Variants in PIGG observed in about 807,000 individuals in gnomAD.
PIGG encodes GPI ethanolamine phosphate transferase 2, catalytic subunit.
In PIGG, 70 loss-of-function variants were observed where a neutral mutation model predicts 83.2. The ratio of observed to expected loss-of-function variants is 0.84; its 90% CI spans 0.69 to 1.03. PIGG has a LOEUF of 1.03. PIGG is among the 50% of genes least tolerant of loss of function. PIGG has a pLI of 0.00. For synonymous variants in PIGG, 532 were observed against 519.5 expected (o/e 1.02, Z -0.33); for missense variants, 1,257 against 1,233.6 (o/e 1.02, Z -0.28).
At chr4:507,064 A>G (rs1553879873) in intron 3 of PIGG, among the ~76,000 whole-genome samples, 2 of 152,234 alleles carry the variant, frequency 1.3e-5, no homozygotes, top group Non-Finnish European at 2.9e-5. Flanking sequence ...ATAGCCCAGA[A>G]ACATAAAAAC....
intron 5 of PIGG, among the ~76,000 whole-genome samples, chr4:509,348 A>G (rs544124801): frequency 2.2e-4 from 34 of 152,350 alleles, no homozygotes; most frequent in Admixed American, 1.8e-3. Flanking sequence ...AGTGTCAACA[A>G]GAGTCATGGG....
chr4:507,342 C>G, intron 3 of PIGG, 63 bp from the exon 4 acceptor site: 1 of 1,331,290 alleles, frequency 7.5e-7, no homozygotes, highest in Non-Finnish European at 1.0e-6. Context: ...TTGCGTTTTC[C>G]CCGGGGAGTG....
rs1351482267 is a variant in PIGG, at chr4:515,917, A to G, written c.902-56A>G. 2 of 1,346,172 alleles carry G rather than the reference A, an allele frequency of 1.5e-6. No homozygotes were observed. The highest frequency in any genetic ancestry group is 2.3e-5 in the East Asian group (1 of 43,528). 83.4% of individuals were successfully genotyped at this position (1,346,172 alleles called of 1,614,324 possible). On this transcript the variant is annotated intron_variant, in intron 5 of 12. Transcript: ENST00000453061. This position sits in a 1 kb window ranked among gnomAD's most constrained non-coding sequence, Gnocchi z 4.2. ...TTGTAGAAGGTCTAATTCAAGAATGAGTACCATCTTACACTTTCTAGAAGT... is the reference window on the plus strand; with the variant it reads ...TTGTAGAAGGTCTAATTCAAGAATGGGTACCATCTTACACTTTCTAGAAGT...
intron 1 of PIGG, chr4:499,752 A>C (rs1471566860): frequency 7.6e-6 from 10 of 1,322,536 alleles, no homozygotes; most frequent in African/African-American, 6.1e-5. Flanking sequence ...CCTGGGATCC[A>C]GCCTCTCCAC....
intron 6 of PIGG, among the ~76,000 whole-genome samples, chr4:519,646 C>T (rs964448092): frequency 1.3e-5 from 2 of 152,254 alleles, no homozygotes; most frequent in African/African-American, 4.8e-5. Flanking sequence ...CCTAGTGTTG[C>T]TGGCTACTGG....
rs1716852418 is a variant in PIGG, at chr4:499,692, C to T, written c.154+203C>T. On this transcript the variant is annotated intron_variant, in intron 1 of 12. Coordinates refer to ENST00000453061, the MANE Select transcript of PIGG (RefSeq NM_001127178.3). Reference sequence around the variant, plus strand: ...ACTTTGTGGCAACCACCTCTACTGGCCCCACTTCGACCTTCCTTCCTGATC... The same window carrying T: ...ACTTTGTGGCAACCACCTCTACTGGTCCCACTTCGACCTTCCTTCCTGATC... 2.5e-5 allele frequency: 35 copies of T among 1,399,848 alleles called. No homozygotes were observed. The Admixed American group carries it at 3.2e-4, about 13-fold the overall frequency. 86.7% of individuals were successfully genotyped at this position (1,399,848 alleles called of 1,614,324 possible).
rs1553877462 is a variant in PIGG at position 504,248 on chromosome 4, C to T, written c.361-1470C>T. ...TTAAGCCTGTCTTCCTGAGTGCTGG[C>T]CCTGGCTCCGCATAGCTTAGTGGTC... On this transcript the variant is annotated intron_variant, in intron 2 of 12. Coordinates refer to ENST00000453061, the MANE Select transcript of PIGG (RefSeq NM_001127178.3). 5.3e-5 allele frequency among the ~76,000 whole-genome samples: 8 copies of T among 152,294 alleles called. No individual in the cohort carries two copies. In the South Asian group the frequency reaches 1.7e-3, roughly 32 times the overall value.
chr4:519,303 G>A (rs1016010482), intron 6 of PIGG, among the ~76,000 whole-genome samples: 2 of 152,208 alleles, frequency 1.3e-5, no homozygotes. Flanking sequence ...GTCTCCCCTG[G>A]CACAGCGCCT....
intron 11 of PIGG, 138 bp downstream of exon 11, chr4:530,883 ATTT>A: frequency 1.5e-6 from 1 of 658,806 alleles, no homozygotes; most frequent in Non-Finnish European, 2.6e-6. Context: ...ACTCTCGTGT[ATTT>A]TATAAGACAA....
chr4:512,452 T>C (rs1162019935), intron 5 of PIGG, among the ~76,000 whole-genome samples: 5 of 151,960 alleles, frequency 3.3e-5, no homozygotes, highest in Admixed American at 1.3e-4. Flanking sequence ...CCTGACCTTG[T>C]GATCTGCCCA....
chr4:530,448 A>T lies in PIGG; in HGVS notation c.2274A>T (p.Glu758Asp). 5 of 1,611,464 alleles carry T rather than the reference A, an allele frequency of 3.1e-6. No individual in the cohort carries two copies. The highest frequency in any genetic ancestry group is 4.2e-6 in the Non-Finnish European group (5 of 1,177,914). Reference protein sequence around the residue: ...DSKDISKGIIEARFVYVFVLG... With the variant: ...DSKDISKGIIDARFVYVFVLG... ...TGCTCTTTTTTAGGGGTATTATTGA[A>T]GCTCGTTTTGTTTATGTCTTTGTCC... is the stretch of plus-strand genomic sequence containing the variant. The change falls in exon 11 of 13, where the codon GAA becomes GAT. Residue 758 changes from glutamate to aspartate, a missense_variant. Coordinates refer to ENST00000453061, the MANE Select transcript of PIGG (RefSeq NM_001127178.3).
chr4:528,739 A>G lies in PIGG; in HGVS notation c.2261+1509A>G. 2.0e-6 allele frequency: 2 copies of G among 984,954 alleles called. No homozygotes were observed. The highest frequency in any genetic ancestry group is 2.4e-6 in the Non-Finnish European group (2 of 829,524). 61.0% of individuals were successfully genotyped at this position (984,954 alleles called of 1,614,324 possible). ...CTCACAGATCTATACACTGAATTTC[A>G]GCATCACTCATCTCAAGACCTTGGC... is the stretch of plus-strand genomic sequence containing the variant. On this transcript the variant is annotated intron_variant, in intron 10 of 12. Coordinates refer to ENST00000453061, the MANE Select transcript of PIGG (RefSeq NM_001127178.3). This position sits in a 1 kb window ranked among gnomAD's most constrained non-coding sequence, Gnocchi z 4.8.
intron 4 of PIGG, among the ~76,000 whole-genome samples, chr4:508,524 C>T (rs542983179): frequency 1.3e-5 from 2 of 152,306 alleles, no homozygotes; most frequent in African/African-American, 4.8e-5. Context: ...GAGTAGAATG[C>T]GTCCAGAGTC....
chr4:538,151 T>TGAGGACCTG (rs1304309909), intron 12 of PIGG, among the ~76,000 whole-genome samples: 2 of 126,822 alleles, frequency 1.6e-5, no homozygotes, highest in Non-Finnish European at 3.4e-5. Flanking sequence ...CCGACAGGAC[T>TGAGGACCTG]GAGGATCTGG....
In PIGG at chr4:530,684, A is replaced by G. The variant is rs1250745532; in HGVS notation, c.2510A>G (p.His837Arg). Residue 837 changes from histidine to arginine, a missense_variant, in exon 11 of 13, where the codon CAC (histidine) becomes CGC (arginine). Coordinates refer to ENST00000453061, the MANE Select transcript of PIGG (RefSeq NM_001127178.3). Reference protein sequence around the residue: ...MTKFIWKPLRHDAAEITVMHY... With the variant: ...MTKFIWKPLRRDAAEITVMHY... ...AAATTCATCTGGAAGCCCCTGAGAC[A>G]CGATGCAGCTGAGATTACTGTGATG... 1.2e-6 allele frequency: 2 copies of G among 1,613,834 alleles called. No homozygotes were observed. The highest frequency in any genetic ancestry group is 1.7e-6 in the Non-Finnish European group (2 of 1,179,732).
chr4:525,352 A>T, intron 9 of PIGG: 1 of 985,486 alleles, frequency 1.0e-6, no homozygotes, highest in Middle Eastern at 5.2e-4. Flanking sequence ...GTGAAGACTT[A>T]GGAAACTAAA....
rs1196302151 is a variant in PIGG, at chr4:528,980, G to T, written c.2262-1456G>T. ...TGTAACAGCTGCCGCTCTCCTGTCA[G>T]TCCCCCGGGCCCTGCCATCCACTGA... On this transcript the variant is annotated intron_variant, in intron 10 of 12. Transcript: ENST00000453061. This position sits in a 1 kb window ranked among gnomAD's most constrained non-coding sequence, Gnocchi z 4.8. 6.6e-6 allele frequency among the ~76,000 whole-genome samples: 1 copy of T among 152,118 alleles called. No individual in the cohort carries two copies. The highest frequency in any genetic ancestry group is 2.4e-5 in the African/African-American group (1 of 41,424).
intron 5 of PIGG, among the ~76,000 whole-genome samples, chr4:509,221 T>C (rs1721000621): frequency 6.6e-6 from 1 of 152,184 alleles, no homozygotes; most frequent in Admixed American, 6.5e-5. Flanking sequence ...TCTGGAACTG[T>C]TGAGAAAAAT....
At chr4:529,986 G>C (rs192806306) in intron 10 of PIGG, among the ~76,000 whole-genome samples, 40 of 152,362 alleles carry the variant, frequency 2.6e-4, no homozygotes, top group African/African-American at 9.1e-4. Flanking sequence ...ATGTGTACCT[G>C]TAAATGTGCA....
Sources: gnomAD v4.1 joint callset for allele counts (sites outside exome capture counted in the v4.1 genomes callset) on GRCh38, gnomAD v4.1.1 for gene constraint, Gnocchi (gnomAD v3.1) non-coding constraint, MANE v1.5 for transcripts, NCBI Gene and HGNC (gene_info 2026-07-23, HGNC 2026-07-21) for gene names.